The following JAM3 variants were observed in gnomAD, a reference collection of about 807,000 sequenced individuals.
JAM3 encodes the protein junctional adhesion molecule 3.
In JAM3, 31 loss-of-function variants were observed where a neutral mutation model predicts 39.4. That is an observed-to-expected ratio of 0.79 (90% CI 0.59 to 1.06). JAM3 has a LOEUF of 1.06. Ranked by LOEUF, JAM3 falls within the 50% of genes least tolerant of loss-of-function variation. JAM3 has a pLI of 0.00. For missense variants in JAM3, 455 were observed against 391.4 expected (o/e 1.16, Z -1.37); for synonymous variants, 182 against 148.7 (o/e 1.22, Z -1.63).
chr11:134,122,879 A>G (rs1171750660), intron 1 of JAM3, among the ~76,000 whole-genome samples: 4 of 152,252 alleles, frequency 2.6e-5, no homozygotes, highest in Non-Finnish European at 5.9e-5. Context: ...ACAATTGTAC[A>G]GGGTGTAGAA....
intron 1 of JAM3, among the ~76,000 whole-genome samples, chr11:134,107,875 TAAAC>T (rs1443076676): frequency 4.0e-5 from 6 of 149,786 alleles, no homozygotes; most frequent in African/African-American, 1.5e-4. Context: ...AATAAATAAA[TAAAC>T]AGAAAAATAG....
intron 1 of JAM3, among the ~76,000 whole-genome samples, chr11:134,093,909 T>C (rs1280262615): frequency 1.4e-4 from 16 of 110,852 alleles, no homozygotes; most frequent in South Asian, 3.3e-4. Flanking sequence ...CCACCTTACA[T>C]GTCACTTCCT....
intron 5 of JAM3, chr11:134,145,377 A>AT: frequency 8.2e-6 from 3 of 367,472 alleles, no homozygotes; most frequent in Non-Finnish European, 1.5e-5. Context: ...TGTGGTTACG[A>AT]TTTTTTACAG....
intron 1 of JAM3, among the ~76,000 whole-genome samples, chr11:134,100,679 C>T (rs1461355815): frequency 6.6e-6 from 1 of 152,152 alleles, no homozygotes; most frequent in Non-Finnish European, 1.5e-5. Flanking sequence ...AGGTCCTGTA[C>T]TCAGCACTTT....
At chr11:134,137,373 C>T (rs1942886686) in intron 1 of JAM3, among the ~76,000 whole-genome samples, 1 of 152,200 alleles carries the variant, frequency 6.6e-6, no homozygotes, top group Admixed American at 6.5e-5. Flanking sequence ...ACCAATCAGC[C>T]TGTATCTCCT....
intron 1 of JAM3, among the ~76,000 whole-genome samples, chr11:134,123,272 C>T (rs189184020): frequency 5.3e-5 from 8 of 152,256 alleles, no homozygotes; most frequent in Admixed American, 3.3e-4. Flanking sequence ...TGCCAGACTG[C>T]ACGTACATCT....
chr11:134,097,037 C>T (rs936876452), intron 1 of JAM3, among the ~76,000 whole-genome samples: 39 of 152,044 alleles, frequency 2.6e-4, no homozygotes, highest in African/African-American at 9.2e-4. Context: ...TGGAAGAGGG[C>T]TGGAATGTAG....
At chr11:134,114,581 T>C (rs1942384474) in intron 1 of JAM3, among the ~76,000 whole-genome samples, 1 of 152,118 alleles carries the variant, frequency 6.6e-6, no homozygotes, top group Non-Finnish European at 1.5e-5. Flanking sequence ...AAAACACTTT[T>C]TAATTTCCCT....
chr11:134,136,496 G>A (rs924328021), intron 1 of JAM3, among the ~76,000 whole-genome samples: 4 of 152,184 alleles, frequency 2.6e-5, no homozygotes, highest in African/African-American at 9.7e-5. Flanking sequence ...TGTTGGGGAT[G>A]GGCAAGAAAG....
chr11:134,107,048 C>T (rs1942205511), intron 1 of JAM3, among the ~76,000 whole-genome samples: 1 of 152,128 alleles, frequency 6.6e-6, no homozygotes, highest in Admixed American at 6.6e-5. Flanking sequence ...TGTATTGTGG[C>T]ACTATTCACA....
At chr11:134,135,827 G>T (rs1317134601) in intron 1 of JAM3, among the ~76,000 whole-genome samples, 2 of 152,188 alleles carry the variant, frequency 1.3e-5, no homozygotes, top group African/African-American at 4.8e-5. Context: ...CTAGCACTTT[G>T]GGGGGCCGAG....
At chr11:134,082,477 G>C (rs558858802) in intron 1 of JAM3, among the ~76,000 whole-genome samples, 3 of 152,146 alleles carry the variant, frequency 2.0e-5, no homozygotes, top group Non-Finnish European at 4.4e-5. Context: ...GGGGGGAACC[G>C]ATGGGAGATA....
In JAM3 at chr11:134,149,224, TAC is replaced by T; in HGVS notation, c.*44_*45del. The T allele has an allele frequency of 6.2e-7, 1 of 1,612,512 alleles. No individual in the cohort carries two copies. Among genetic ancestry groups the T allele is most frequent in the East Asian group, 2.2e-5 (1 of 44,876 alleles). ...AGAGCGCACAGAGCGCACGTGCACA[TAC>T]CTCTGCTAGAAACTCCTGTCAAGGC... On this transcript the variant is annotated 3_prime_UTR_variant, in exon 9 of 9. Coordinates refer to ENST00000299106, the MANE Select transcript of JAM3 (RefSeq NM_032801.5).
At chr11:134,118,172 T>C (rs1942471976) in intron 1 of JAM3, among the ~76,000 whole-genome samples, 1 of 152,234 alleles carries the variant, frequency 6.6e-6, no homozygotes, top group Non-Finnish European at 1.5e-5. Context: ...ACACATGTTC[T>C]GTGTTTAGTC....
chr11:134,122,570 T>C (rs1220867535), intron 1 of JAM3, among the ~76,000 whole-genome samples: 2 of 152,206 alleles, frequency 1.3e-5, no homozygotes, highest in Non-Finnish European at 2.9e-5. Context: ...GTTGCTTTTC[T>C]ACCCTGTTAT....
Position 134,080,380 on chromosome 11 carries a change from A to G in JAM3, c.76+11221A>G, listed in dbSNP as rs1476583609. Among the ~76,000 whole-genome samples, 6 of 152,328 alleles carry G rather than the reference A, an allele frequency of 3.9e-5. 1 individual carries two copies. Among genetic ancestry groups the G allele is most frequent in the Non-Finnish European group, 8.8e-5 (6 of 68,034 alleles). On this transcript the variant is annotated intron_variant, in intron 1 of 8. Transcript: ENST00000299106. Reference sequence around the variant, plus strand: ...CCTCCAAAAAGTGCTTTTATGCATGATATGGTTTGGCTCTGTGTCCCCACC... The same window carrying G: ...CCTCCAAAAAGTGCTTTTATGCATGGTATGGTTTGGCTCTGTGTCCCCACC...
intron 1 of JAM3, among the ~76,000 whole-genome samples, chr11:134,071,236 C>CTG (rs1417013967): frequency 6.6e-6 from 1 of 152,162 alleles, no homozygotes; most frequent in African/African-American, 2.4e-5. Flanking sequence ...CTTGATAACT[C>CTG]TAAGAAGTCG....
At chr11:134,078,231 C>T (rs574153984) in intron 1 of JAM3, among the ~76,000 whole-genome samples, 118 of 151,786 alleles carry the variant, frequency 7.8e-4, no homozygotes, top group Non-Finnish European at 1.5e-3. Flanking sequence ...GCGATTCTCC[C>T]GCCTCAGCCT....
chr11:134,086,963 C>T (rs1941755007), intron 1 of JAM3, among the ~76,000 whole-genome samples: 1 of 151,992 alleles, frequency 6.6e-6, no homozygotes. Flanking sequence ...TACCACCATG[C>T]CCAGCTAATT....
Sources: gnomAD v4.1 joint callset for allele counts (sites outside exome capture counted in the v4.1 genomes callset) on GRCh38, gnomAD v4.1.1 for gene constraint, MANE v1.5 for transcripts, NCBI Gene and HGNC (gene_info 2026-07-23, HGNC 2026-07-21) for gene names.